LRP1B: variants seen among roughly 807,000 people sequenced by gnomAD.
The protein encoded by LRP1B is LDL receptor related protein 1B.
LRP1B carries 217 observed loss-of-function variants against 556.6 expected under a neutral mutation model. The ratio of observed to expected loss-of-function variants is 0.39; its 90% CI spans 0.35 to 0.44. The LOEUF is 0.44. Ranked by LOEUF, LRP1B falls within the 20% of genes least tolerant of loss-of-function variation. The pLI is 1.00. For synonymous variants in LRP1B, 2,047 were observed against 1,865.8 expected, an observed-to-expected ratio of 1.10 and a Z score of -2.50; for missense variants, 5,053 against 5,620.8, an observed-to-expected ratio of 0.90 and a Z score of 3.23.
chr2:140,618,435 G>C (rs1683332079), intron 41 of LRP1B, among the ~76,000 whole-genome samples: 1 of 152,190 alleles, frequency 6.6e-6, no homozygotes, highest in Middle Eastern at 3.4e-3. Context: ...AGGTTCTTGA[G>C]TGAGATTAGA....
chr2:141,885,284 A>G (rs542057617), intron 1 of LRP1B, among the ~76,000 whole-genome samples: 1 of 152,274 alleles, frequency 6.6e-6, no homozygotes, highest in African/African-American at 2.4e-5. Flanking sequence ...TTTTCTTCTT[A>G]CTAGAGATGA....
chr2:140,303,009 CTTCATATAT>C (rs1366101236), intron 83 of LRP1B, among the ~76,000 whole-genome samples: 2 of 72,566 alleles, frequency 2.8e-5, no homozygotes, highest in Non-Finnish European at 5.1e-5. Flanking sequence ...TATAAATCTC[CTTCATATAT>C]ATATATATAT....
At chr2:141,777,147 C>G (rs1387958524) in intron 2 of LRP1B, among the ~76,000 whole-genome samples, 1 of 152,122 alleles carries the variant, frequency 6.6e-6, no homozygotes, top group Admixed American at 6.5e-5. Flanking sequence ...ACATGATTGC[C>G]ATTTATTTAA....
chr2:141,487,385 T>C (rs1241050445), intron 2 of LRP1B, among the ~76,000 whole-genome samples: 1 of 152,196 alleles, frequency 6.6e-6, no homozygotes, highest in African/African-American at 2.4e-5. Context: ...GAATACACAC[T>C]GCATTTTAAC....
rs3063651 is a variant in LRP1B, at chr2:140,939,885, A to ATTTT, written c.3136+10346_3136+10349dup. Among the ~76,000 whole-genome samples, 257 of 132,630 alleles carry ATTTT rather than the reference A, an allele frequency of 1.9e-3. 3 individuals are homozygous for ATTTT. Among genetic ancestry groups the ATTTT allele is most frequent in the African/African-American group, 5.4e-3 (192 of 35,414 alleles). 87.0% of individuals were successfully genotyped at this position (132,630 alleles called of 152,430 possible). ...AGGACATGCTGAATTATTTGGTGTA[A>ATTTT]TTTTTTTTTTTTTTTTTTGAGACAG... On this transcript the variant is annotated intron_variant, in intron 20 of 90. Coordinates refer to ENST00000389484, the MANE Select transcript of LRP1B (RefSeq NM_018557.3).
chr2:140,578,462 T>C (rs6740082), intron 43 of LRP1B, among the ~76,000 whole-genome samples: 46,203 of 152,086 alleles, frequency 0.3, 9,732 homozygotes, highest in African/African-American at 0.6. Context: ...CTTTTACTTC[T>C]CCTCCAGCCA....
At chr2:141,365,089 T>G (rs1447728399) in intron 3 of LRP1B, among the ~76,000 whole-genome samples, 1 of 152,258 alleles carries the variant, frequency 6.6e-6, no homozygotes, top group Non-Finnish European at 1.5e-5. Context: ...TAGCTGCATA[T>G]GTAAACCCAT....
At chr2:140,476,535 GAGTTTTCAGGA>G (rs1558908594) in intron 59 of LRP1B, among the ~76,000 whole-genome samples, 1 of 151,884 alleles carries the variant, frequency 6.6e-6, no homozygotes, top group Admixed American at 6.6e-5. Context: ...AAAAAGGAAA[GAGTTTTCAGGA>G]AAATAAAAAC....
intron 1 of LRP1B, among the ~76,000 whole-genome samples, chr2:141,939,022 A>G (rs1415471283): frequency 6.6e-6 from 1 of 152,030 alleles, no homozygotes; most frequent in Non-Finnish European, 1.5e-5. Context: ...GATGTTGGTC[A>G]AAAGTAGGAA....
chr2:140,539,749 G>C (rs1428128836), intron 45 of LRP1B, among the ~76,000 whole-genome samples: 1 of 152,112 alleles, frequency 6.6e-6, no homozygotes, highest in Non-Finnish European at 1.5e-5. Context: ...AAGGCAAACT[G>C]AAAGAGTTTA....
intron 60 of LRP1B, among the ~76,000 whole-genome samples, chr2:140,462,233 T>G (rs1256444200): frequency 6.6e-6 from 1 of 152,210 alleles, no homozygotes; most frequent in Non-Finnish European, 1.5e-5. Context: ...TCATATCCCC[T>G]CACACCAGGA....
At chr2:140,259,977 C>T (rs1412557683) in intron 86 of LRP1B, among the ~76,000 whole-genome samples, 2 of 151,888 alleles carry the variant, frequency 1.3e-5, no homozygotes, top group East Asian at 1.9e-4. Flanking sequence ...GAACCATTTT[C>T]CCCAAAAAGA....
chr2:140,541,628 A>G, intron 44 of LRP1B, 151 bp downstream of exon 44: 1 of 604,220 alleles, frequency 1.7e-6, no homozygotes, highest in East Asian at 2.9e-5. Context: ...CCTAAGAACT[A>G]GAAAAAAACA....
intron 41 of LRP1B, among the ~76,000 whole-genome samples, chr2:140,667,006 TATC>T: frequency 6.6e-6 from 1 of 152,334 alleles, no homozygotes; most frequent in African/African-American, 2.4e-5. Context: ...ACATACTTAT[TATC>T]ATATTCTCAG....
intron 41 of LRP1B, among the ~76,000 whole-genome samples, chr2:140,607,830 C>T (rs1682926712): frequency 6.6e-6 from 1 of 151,924 alleles, no homozygotes. Flanking sequence ...TATTAGAATG[C>T]TTCACAAATG....
At chr2:141,075,484 G>A (rs1263029674) in intron 7 of LRP1B, among the ~76,000 whole-genome samples, 1 of 151,986 alleles carries the variant, frequency 6.6e-6, no homozygotes, top group Non-Finnish European at 1.5e-5. Flanking sequence ...CATGACCAAG[G>A]GCAGTGCTAT....
chr2:140,648,964 G>A (rs1172589842), intron 41 of LRP1B, among the ~76,000 whole-genome samples: 1 of 152,088 alleles, frequency 6.6e-6, no homozygotes, highest in Admixed American at 6.5e-5. Context: ...GAAGCATCCT[G>A]GTAGTGGGGT....
intron 1 of LRP1B, among the ~76,000 whole-genome samples, chr2:141,904,056 C>G (rs114408382): frequency 6.6e-6 from 1 of 151,846 alleles, no homozygotes; most frequent in Non-Finnish European, 1.5e-5. Flanking sequence ...CAGGCAAAAA[C>G]GCATAGAATC....
intron 3 of LRP1B, among the ~76,000 whole-genome samples, chr2:141,415,301 C>A (rs1691053658): frequency 6.6e-6 from 1 of 152,218 alleles, no homozygotes; most frequent in Admixed American, 6.5e-5. Context: ...GCGTGAGCCA[C>A]CACGCCCGGC....
Sources: allele counts gnomAD v4.1 joint callset (sites outside exome capture counted in the v4.1 genomes callset), GRCh38; gene constraint gnomAD v4.1.1; transcripts MANE v1.5; gene names NCBI Gene and HGNC (gene_info 2026-07-23, HGNC 2026-07-21).